The following ADGRA1 variants were observed in gnomAD, a reference collection of about 807,000 sequenced individuals.
ADGRA1 encodes G-protein coupled receptor 123.
In ADGRA1, 12 loss-of-function variants were observed where a neutral mutation model predicts 21.3. The observed-to-expected ratio is 0.56, with a 90% CI of 0.36 to 0.91. The LOEUF is 0.91. ADGRA1 is among the 40% of genes least tolerant of loss of function. The pLI, the probability that ADGRA1 is intolerant of heterozygous loss-of-function variation, is 0.01. For synonymous variants in ADGRA1, 385 were observed against 368.8 expected (o/e 1.04, Z -0.50); for missense variants, 790 against 805.6 (o/e 0.98, Z 0.23).
chr10:133,129,567 C>A lies in ADGRA1; in HGVS notation c.*56C>A. 7.0e-7 allele frequency: 1 copy of A among 1,437,324 alleles called. No homozygotes were observed. 89.0% of individuals were successfully genotyped at this position (1,437,324 alleles called of 1,614,324 possible). A position where few individuals can be genotyped will look rare whatever the true frequency, so the allele number is the denominator to read the frequency against. On this transcript the variant is annotated 3_prime_UTR_variant, in exon 7 of 7. Transcript: ENST00000392607. ...GAGCTTCAGAGCAGAGTGGGGGGCC[C>A]ATCTGCCACATGAGGTCACTGGGGG...
intron 5 of ADGRA1, among the ~76,000 whole-genome samples, chr10:133,119,695 G>C (rs1159660366): frequency 6.6e-6 from 1 of 152,216 alleles, no homozygotes; most frequent in South Asian, 2.1e-4. Flanking sequence ...ACATTTTACT[G>C]TGAGACTGTA....
chr10:133,124,446 C>T (rs1019292093), intron 5 of ADGRA1, among the ~76,000 whole-genome samples: 1 of 152,162 alleles, frequency 6.6e-6, no homozygotes, highest in African/African-American at 2.4e-5. Context: ...CCCCCAAAGG[C>T]AGTGGTTGGC....
chr10:133,125,664 C>T (rs563542674), intron 5 of ADGRA1, among the ~76,000 whole-genome samples: 44 of 152,148 alleles, frequency 2.9e-4, no homozygotes, highest in African/African-American at 9.9e-4. Context: ...CTCCTGACCT[C>T]GTGATCTGCC....
chr10:133,092,801 G>GGAAGGAA (rs1851620833), intron 2 of ADGRA1, among the ~76,000 whole-genome samples: 1 of 125,296 alleles, frequency 8.0e-6, no homozygotes, highest in African/African-American at 3.2e-5. Flanking sequence ...AAGGAAGAGA[G>GGAAGGAA]GGAGGGAAGG....
In ADGRA1 at chr10:133,098,661, G is replaced by A. The variant is rs781132355; in HGVS notation, c.153G>A (p.Lys51=). The A allele has an allele frequency of 6.2e-7, 1 of 1,610,354 alleles. No individual in the cohort carries two copies. The highest frequency in any genetic ancestry group is 8.5e-7 in the Non-Finnish European group (1 of 1,179,838). Residue 51 remains lysine (K), a synonymous_variant, in exon 4 of 7, where the codon AAG becomes AAA. Coordinates refer to ENST00000392607, the MANE Select transcript of ADGRA1 (RefSeq NM_001083909.3). ...ACAGCGCCATCCGCATCAGCCGCAA[G>A]GGCCGGCACACGCTCCTGAATTTCT... ...VHQSAIRISR[K]GRHTLLNFCF...
Position 133,128,538 on chromosome 10 carries a change from C to A in ADGRA1, c.710C>A (p.Ala237Glu). 1.3e-6 allele frequency: 2 copies of A among 1,550,244 alleles called. No homozygotes were observed. Among genetic ancestry groups the A allele is most frequent in the African/African-American group, 1.4e-5 (1 of 73,206 alleles). ...GGGATCCGGCCAGGCACCCCACCCG[C>A]ACACGATGCCCCCGGCGCCTCCGTG... ...GRGIRPGTPP[A>E]HDAPGASVLQ... The change falls in exon 7 of 7, where the codon GCA becomes GAA. Residue 237 changes from alanine (A) to glutamate (E), a missense_variant. By Grantham distance (107) the Ala-to-Glu change is moderately radical. Around this residue, in one of 3 missense-constraint regions of ADGRA1, gnomAD observed 382 missense variants for 415.6 expected, o/e 0.92. Transcript: ENST00000392607.
chr10:133,093,226 G>C lies in ADGRA1; in HGVS notation c.4-3748G>C, dbSNP rs766988794. On this transcript the variant is annotated intron_variant, in intron 2 of 6. Transcript: ENST00000392607. ...AGCTGGCATTCCCCAGGTTTGAAGA[G>C]GTCACTTTCCCACCTCTCACTGCTG... The C allele has an allele frequency of 3.1e-6, 5 of 1,590,882 alleles. No individual in the cohort carries two copies. The South Asian group carries it at 5.6e-5, about 18-fold the overall frequency.
intron 5 of ADGRA1, among the ~76,000 whole-genome samples, chr10:133,126,042 C>T (rs1439930148): frequency 6.6e-6 from 1 of 152,238 alleles, no homozygotes; most frequent in East Asian, 1.9e-4. Flanking sequence ...TCCTTCCGCA[C>T]AGTCCAAGTC....
chr10:133,101,942 T>G (rs1851803127), intron 4 of ADGRA1, among the ~76,000 whole-genome samples: 1 of 152,266 alleles, frequency 6.6e-6, no homozygotes, highest in South Asian at 2.1e-4. Context: ...GAGCTCTGGA[T>G]CTGATAAATC....
chr10:133,098,512 C>A, intron 3 of ADGRA1, 128 bp from the exon 4 acceptor site: 1 of 1,138,024 alleles, frequency 8.8e-7, no homozygotes, highest in Non-Finnish European at 1.2e-6. Flanking sequence ...GGTCCTCGGA[C>A]AGCTGCCCCT....
intron 5 of ADGRA1, among the ~76,000 whole-genome samples, chr10:133,123,720 C>A (rs924592520): frequency 2.6e-4 from 39 of 151,998 alleles, no homozygotes; most frequent in Admixed American, 7.2e-4. Context: ...TCCCTCCCCC[C>A]CCCCGGCACC....
At chr10:133,112,370 C>CTA (rs1852051675) in intron 5 of ADGRA1, among the ~76,000 whole-genome samples, 3 of 151,076 alleles carry the variant, frequency 2.0e-5, no homozygotes, top group African/African-American at 7.3e-5. Flanking sequence ...GGTCTGCGGG[C>CTA]CGTGTCGGTT....
chr10:133,101,110 G>A (rs984562972), intron 4 of ADGRA1, among the ~76,000 whole-genome samples: 2 of 152,234 alleles, frequency 1.3e-5, no homozygotes, highest in African/African-American at 4.8e-5. Context: ...AGCCACTACC[G>A]GCTGGAGGAA....
chr10:133,124,864 G>C (rs1014729688), intron 5 of ADGRA1, among the ~76,000 whole-genome samples: 1 of 152,286 alleles, frequency 6.6e-6, no homozygotes, highest in Middle Eastern at 3.4e-3. Flanking sequence ...CCCCGCGCCT[G>C]CACGTCCACG....
At chr10:133,095,667 G>T (rs752686449) in intron 2 of ADGRA1, 2 of 1,596,192 alleles carry the variant, frequency 1.3e-6, no homozygotes, top group African/African-American at 2.7e-5. Context: ...CTCTGTCCAC[G>T]GTGGACACTC....
intron 5 of ADGRA1, among the ~76,000 whole-genome samples, chr10:133,118,157 C>G (rs1230758798): frequency 1.3e-5 from 2 of 152,246 alleles, no homozygotes; most frequent in African/African-American, 4.8e-5. Context: ...CCCCACCAGC[C>G]TCTTCCTGCC....
intron 4 of ADGRA1, among the ~76,000 whole-genome samples, chr10:133,100,765 G>A (rs1423938720): frequency 2.0e-5 from 3 of 152,246 alleles, no homozygotes; most frequent in Non-Finnish European, 2.9e-5. Flanking sequence ...TGGGCACTAG[G>A]GCACTGCCAG....
chr10:133,092,828 A>AGG lies in ADGRA1; in HGVS notation c.3+3917_3+3918insGG, dbSNP rs1564842455. Among the ~76,000 whole-genome samples the AGG allele has an allele frequency of 3.6e-4, 28 of 77,184 alleles. No individual in the cohort carries two copies. In the South Asian group the frequency reaches 0.013, roughly 37 times the overall value. 50.6% of individuals were successfully genotyped at this position (77,184 alleles called of 152,430 possible). A position where few individuals can be genotyped will look rare whatever the true frequency, so the allele number is the denominator to read the frequency against. The stretch of plus-strand genomic sequence containing the variant: ...GAGGGAAGGGAGGGAAGGAAGGAAG[A>AGG]GAGGGAGGGAGGGAAGGAAGGAAGG... On this transcript the variant is annotated intron_variant, in intron 2 of 6. Coordinates refer to ENST00000392607, the MANE Select transcript of ADGRA1 (RefSeq NM_001083909.3).
At chr10:133,107,499 T>C (rs1386234612) in intron 5 of ADGRA1, among the ~76,000 whole-genome samples, 1 of 152,204 alleles carries the variant, frequency 6.6e-6, no homozygotes, top group Non-Finnish European at 1.5e-5. Flanking sequence ...ATTTTATTTG[T>C]CTCAGCTCTG....
Sources: allele counts gnomAD v4.1 joint callset (sites outside exome capture counted in the v4.1 genomes callset), GRCh38; gene constraint gnomAD v4.1.1; regional missense constraint gnomAD v4.1.1; transcripts MANE v1.5; gene names NCBI Gene and HGNC (gene_info 2026-07-23, HGNC 2026-07-21).